The following LGALS13 variants were observed in gnomAD, a reference collection of about 807,000 sequenced individuals.
LGALS13 encodes galectin 13, also known as galactoside-binding soluble lectin 13.
LGALS13 carries 11 observed loss-of-function variants against 13.2 expected under a neutral mutation model. That is an observed-to-expected ratio of 0.83 (90% CI 0.52 to 1.38). The LOEUF (loss-of-function observed/expected upper bound fraction) is 1.38. Ranked by LOEUF, LGALS13 falls within the 40% of genes most tolerant of loss-of-function variation. LGALS13 has a pLI of 0.00. For synonymous variants in LGALS13, 71 were observed against 63.7 expected (o/e 1.11, Z -0.54); for missense variants, 183 against 174.3 (o/e 1.05, Z -0.28).
In LGALS13 at chr19:39,605,230, G is replaced by C. The variant is rs1399230011; in HGVS notation, c.145G>C (p.Asp49His). 2 of 1,614,140 alleles carry C rather than the reference G, an allele frequency of 1.2e-6. No homozygotes were observed. Residue 49 changes from aspartate to histidine, a missense_variant, in exon 3 of 4, where the codon GAT (aspartate) becomes CAT (histidine). Coordinates refer to ENST00000221797, the MANE Select transcript of LGALS13 (RefSeq NM_013268.3). ...CTACACTGACATGGATGAGGATTCA[G>C]ATATTGCCTTCCGTTTCCGAGTGCA... is the stretch of plus-strand genomic sequence containing the variant. ...DFYTDMDEDS[D>H]IAFRFRVHFG...
At chr19:39,605,726 A>T (rs1242709633) in intron 3 of LGALS13, among the ~76,000 whole-genome samples, 1 of 152,182 alleles carries the variant, frequency 6.6e-6, no homozygotes. Context: ...TAAAAAAAAA[A>T]GGTTGTTTTA....
intron 3 of LGALS13, among the ~76,000 whole-genome samples, 198 bp downstream of exon 3, chr19:39,605,586 G>A (rs571852102): frequency 6.6e-6 from 1 of 152,142 alleles, no homozygotes; most frequent in African/African-American, 2.4e-5. Flanking sequence ...GTCAAGGTCA[G>A]CTCACCTGAC....
At position 39,605,491 on chromosome 19, in the gene LGALS13, C is replaced by T. The variant is rs1972674506; in HGVS notation, c.303+103C>T. 6.8e-6 allele frequency: 6 copies of T among 881,794 alleles called. No homozygotes were observed. In the Admixed American group the frequency reaches 9.9e-5, roughly 15 times the overall value. 54.6% of individuals were successfully genotyped at this position (881,794 alleles called of 1,614,324 possible). A position where few individuals can be genotyped will look rare whatever the true frequency, so the allele number is the denominator to read the frequency against. On this transcript the variant is annotated intron_variant, in intron 3 of 3. Coordinates refer to ENST00000221797, the MANE Select transcript of LGALS13 (RefSeq NM_013268.3). ...CAGTAGTCCGTCAGGGTCCATCTCC[C>T]ATAACTACTCCTGCCCCTGGTTTTC...
chr19:39,607,445 A>G lies in LGALS13; in HGVS notation c.*106A>G. On this transcript the variant is annotated 3_prime_UTR_variant, in exon 4 of 4. Transcript: ENST00000221797. ...AATCCCTGCTCACATTTTCCCCTAC[A>G]CTTTGTCATTAAAACAGCACGAAAA... The G allele has an allele frequency of 1.2e-6, 1 of 801,604 alleles. No homozygotes were observed. The highest frequency in any genetic ancestry group is 2.2e-6 in the Non-Finnish European group (1 of 457,024). The allele number at this position is 801,604 out of a possible 1,614,324, so 49.7% of individuals were successfully genotyped here. A position where few individuals can be genotyped will look rare whatever the true frequency, so the allele number is the denominator to read the frequency against.
At chr19:39,604,000 A>G in intron 1 of LGALS13, 2 of 985,056 alleles carry the variant, frequency 2.0e-6, no homozygotes, top group Non-Finnish European at 2.4e-6. Context: ...AAGGATGTCC[A>G]TGGCCCTTGA....
intron 1 of LGALS13, 41 bp from the exon 2 acceptor site, chr19:39,604,561 C>T: frequency 6.2e-7 from 1 of 1,608,510 alleles, no homozygotes; most frequent in Non-Finnish European, 8.5e-7. Flanking sequence ...GGAGACTGCA[C>T]CTGACCCTGC....
intron 2 of LGALS13, 116 bp from the exon 3 acceptor site, chr19:39,605,062 G>A: frequency 1.1e-6 from 1 of 880,372 alleles, no homozygotes; most frequent in Non-Finnish European, 1.9e-6. Flanking sequence ...CTGGCCATCA[G>A]TATTATCTGG....
At chr19:39,605,615 A>G (rs1972676586) in intron 3 of LGALS13, among the ~76,000 whole-genome samples, 2 of 152,126 alleles carry the variant, frequency 1.3e-5, no homozygotes, top group South Asian at 2.1e-4. Flanking sequence ...CAAAGTAGAT[A>G]ATCTCCTCTG....
Position 39,605,326 on chromosome 19 carries a change from G to A in LGALS13, c.241G>A (p.Val81Met), listed in dbSNP as rs752283904. The A allele has an allele frequency of 1.8e-5, 29 of 1,614,088 alleles. No homozygotes were observed. Among genetic ancestry groups the A allele is most frequent in the Non-Finnish European group, 2.2e-5 (26 of 1,180,040 alleles). Reference protein sequence around the residue: ...IWMLEETTDYVPFEDGKQFEL... With the variant: ...IWMLEETTDYMPFEDGKQFEL... ...GATGTTGGAGGAGACAACAGACTAC[G>A]TGCCCTTTGAGGATGGCAAACAATT... Residue 81 changes from valine to methionine, a missense_variant, in exon 3 of 4, where the codon GTG becomes ATG. Coordinates refer to ENST00000221797, the MANE Select transcript of LGALS13 (RefSeq NM_013268.3).
chr19:39,604,831 T>C (rs10426654), intron 2 of LGALS13, among the ~76,000 whole-genome samples, 153 bp downstream of exon 2: 6,527 of 152,284 alleles, frequency 0.043, 415 homozygotes, highest in African/African-American at 0.14. Context: ...GCACCAGGCA[T>C]GAGACCCACA....
At chr19:39,605,775 C>T (rs532300413) in intron 3 of LGALS13, among the ~76,000 whole-genome samples, 3 of 152,080 alleles carry the variant, frequency 2.0e-5, no homozygotes, top group South Asian at 2.1e-4. Flanking sequence ...TTTTGGGGCC[C>T]GAATTCTACC....
intron 3 of LGALS13, among the ~76,000 whole-genome samples, chr19:39,605,773 C>T (rs1018481151): frequency 6.6e-6 from 1 of 152,012 alleles, no homozygotes; most frequent in Non-Finnish European, 1.5e-5. Context: ...CATTTTGGGG[C>T]CCGAATTCTA....
In LGALS13 at chr19:39,605,402, G is replaced by A. The variant is rs181848901; in HGVS notation, c.303+14G>A. The A allele has an allele frequency of 3.1e-6, 5 of 1,609,798 alleles. No individual in the cohort carries two copies. In the East Asian group the frequency reaches 6.7e-5, roughly 22 times the overall value. On this transcript the variant is annotated intron_variant, in intron 3 of 3. Transcript: ENST00000221797. The stretch of plus-strand genomic sequence containing the variant: ...AATGAGTATGAGGTGAGCATCCCAG[G>A]AGCTCCCAGCACCCAGGCTCTGTGG...
intron 3 of LGALS13, among the ~76,000 whole-genome samples, chr19:39,606,430 A>G (rs1368335829): frequency 6.6e-6 from 1 of 152,204 alleles, no homozygotes; most frequent in Non-Finnish European, 1.5e-5. Flanking sequence ...ATGATGTCGT[A>G]TTAAGTTTTC....
intron 1 of LGALS13, 54 bp downstream of exon 1, chr19:39,602,637 G>T: frequency 6.4e-7 from 1 of 1,557,656 alleles, no homozygotes; most frequent in Non-Finnish European, 8.9e-7. Context: ...AACCAAGAAA[G>T]AAATGGGAGA....
chr19:39,607,204 T>A lies in LGALS13; in HGVS notation c.304-19T>A. On this transcript the variant is annotated intron_variant, in intron 3 of 3. Transcript: ENST00000221797. ...GTTTGGTGGCATGCTTTCTTTCTGA[T>A]GCATTTTTCCTCTTGTAGATAAAGG... is the stretch of plus-strand genomic sequence containing the variant. 1.3e-6 allele frequency: 2 copies of A among 1,581,772 alleles called. No homozygotes were observed. The highest frequency in any genetic ancestry group is 1.7e-6 in the Non-Finnish European group (2 of 1,150,462).
rs752816991 is a variant in LGALS13, at chr19:39,605,096, G to A, written c.93-82G>A. 95 of 1,187,556 alleles carry A rather than the reference G, an allele frequency of 8.0e-5. 2 individuals are homozygous for A. Among genetic ancestry groups the A allele is most frequent in the Non-Finnish European group, 2.5e-5 (20 of 804,248 alleles). The allele number at this position is 1,187,556 out of a possible 1,614,324, so 73.6% of individuals were successfully genotyped here. On this transcript the variant is annotated intron_variant, in intron 2 of 3. Transcript: ENST00000221797. ...GGGAGACTTTTTCCCTAGGTAAATGGGGGAAGGGATTTGTGTGTGTGTCGA... is the reference window on the plus strand; with the variant it reads ...GGGAGACTTTTTCCCTAGGTAAATGAGGGAAGGGATTTGTGTGTGTGTCGA...
intron 1 of LGALS13, among the ~76,000 whole-genome samples, chr19:39,603,565 C>A (rs1445248155): frequency 6.6e-6 from 1 of 151,820 alleles, no homozygotes; most frequent in Non-Finnish European, 1.5e-5. Context: ...ATTAATCAAC[C>A]AAGCAGCTGG....
intron 3 of LGALS13, among the ~76,000 whole-genome samples, 199 bp from the exon 4 acceptor site, chr19:39,607,024 G>A (rs1472152601): frequency 6.6e-6 from 1 of 152,114 alleles, no homozygotes; most frequent in Non-Finnish European, 1.5e-5. Context: ...AGGAATGAGT[G>A]GAAACATTAG....
Sources: gnomAD v4.1 joint callset for allele counts (sites outside exome capture counted in the v4.1 genomes callset) on GRCh38, gnomAD v4.1.1 for gene constraint, MANE v1.5 for transcripts, NCBI Gene and HGNC (gene_info 2026-07-23, HGNC 2026-07-21) for gene names.